Variants in UBTD1 observed in about 807,000 individuals in gnomAD.
The protein encoded by UBTD1 is ubiquitin domain containing 1.
A neutral mutation model predicts 21.7 loss-of-function variants in UBTD1; 19 were observed. That is an observed-to-expected ratio of 0.87 (90% CI 0.61 to 1.28). The LOEUF (loss-of-function observed/expected upper bound fraction) is 1.28, where lower values mean the gene tolerates loss of function less well. UBTD1 is among the 50% of genes most tolerant of loss of function. The pLI is 0.00. For synonymous variants in UBTD1, 116 were observed against 135.1 expected, an observed-to-expected ratio of 0.86 and a Z score of 0.98; for missense variants, 282 against 315.1, an observed-to-expected ratio of 0.89 and a Z score of 0.80.
chr10:97,521,275 G>A (rs1589870770), intron 1 of UBTD1, among the ~76,000 whole-genome samples: 1 of 152,352 alleles, frequency 6.6e-6, no homozygotes, highest in East Asian at 1.9e-4. Context: ...GCAGCTCCCT[G>A]GCTGGTGGAG....
intron 1 of UBTD1, among the ~76,000 whole-genome samples, chr10:97,514,150 GT>G (rs1429923969): frequency 2.0e-5 from 3 of 151,996 alleles, no homozygotes; most frequent in African/African-American, 7.2e-5. Context: ...GCAGATGAAT[GT>G]AGTTGTTTGA....
chr10:97,529,295 A>G (rs373843350), intron 1 of UBTD1, among the ~76,000 whole-genome samples: 10 of 145,412 alleles, frequency 6.9e-5, no homozygotes, highest in East Asian at 2.1e-4. Context: ...CAGCCAGGCA[A>G]AGGGGCTCCT....
intron 1 of UBTD1, among the ~76,000 whole-genome samples, chr10:97,511,052 C>T (rs113508204): frequency 2.6e-5 from 4 of 152,278 alleles, no homozygotes; most frequent in African/African-American, 7.2e-5. Context: ...TTCTCTGATA[C>T]ACATTGTCAG....
chr10:97,511,006 G>A (rs559814479), intron 1 of UBTD1, among the ~76,000 whole-genome samples: 3 of 152,018 alleles, frequency 2.0e-5, no homozygotes, highest in Non-Finnish European at 4.4e-5. Flanking sequence ...GAACACCTCC[G>A]AGTCCCCAGG....
Position 97,568,098 on chromosome 10 carries a change from G to A in UBTD1, c.255G>A (p.Leu85=), listed in dbSNP as rs1165748517. Residue 85 remains leucine (L), a synonymous_variant, in exon 2 of 3, where the codon CTG becomes CTA. Transcript: ENST00000370664. Reference sequence around the variant, plus strand: ...CTGCTGAAGCCAACGACCACGAGCTGGCCCAGGCCATCCTGGATGGAGCCA... The same window carrying A: ...CTGCTGAAGCCAACGACCACGAGCTAGCCCAGGCCATCCTGGATGGAGCCA... ...AYAAEANDHE[L]AQAILDGASI... is the part of the protein sequence containing the mutation. 1.2e-6 allele frequency: 2 copies of A among 1,613,674 alleles called. No individual in the cohort carries two copies. Among genetic ancestry groups the A allele is most frequent in the Non-Finnish European group, 1.7e-6 (2 of 1,180,046 alleles).
intron 1 of UBTD1, among the ~76,000 whole-genome samples, chr10:97,502,946 T>C (rs987952983): frequency 5.3e-5 from 8 of 150,996 alleles, no homozygotes; most frequent in African/African-American, 1.7e-4. Context: ...AGAGAGGGTC[T>C]TGTTCTCTCG....
Position 97,549,023 on chromosome 10 carries a change from G to A in UBTD1, c.71-18891G>A, listed in dbSNP as rs190011407. Among the ~76,000 whole-genome samples the A allele has an allele frequency of 5.5e-4, 84 of 152,310 alleles. 1 individual carries two copies. Among genetic ancestry groups the A allele is most frequent in the African/African-American group, 1.5e-3 (63 of 41,568 alleles). The stretch of plus-strand genomic sequence containing the variant: ...TGAGCCCAGCCAGGCAGCCGACCCC[G>A]TGAATGTGTACGTTGTATGCAGCAC... On this transcript the variant is annotated intron_variant, in intron 1 of 2. Transcript: ENST00000370664.
intron 1 of UBTD1, among the ~76,000 whole-genome samples, chr10:97,508,431 A>G (rs1354231627): frequency 6.6e-6 from 1 of 152,170 alleles, no homozygotes; most frequent in African/African-American, 2.4e-5. Flanking sequence ...GAACATGCCT[A>G]CCTATTTTAC....
chr10:97,499,689 A>C (rs150038683), intron 1 of UBTD1, among the ~76,000 whole-genome samples: 2 of 152,340 alleles, frequency 1.3e-5, no homozygotes, highest in Non-Finnish European at 2.9e-5. Flanking sequence ...AGGCGAGAAC[A>C]GTCGCTCCTT....
chr10:97,570,035 A>T lies in UBTD1; in HGVS notation c.299-103A>T. The stretch of plus-strand genomic sequence containing the variant: ...AGGCCCCATGTCCAAATACAGTCAC[A>T]TTGGGGGTTAGAGTTTCACCATATG... On this transcript the variant is annotated intron_variant, in intron 2 of 2. Transcript: ENST00000370664. This position sits in a 1 kb window ranked among gnomAD's most constrained non-coding sequence, Gnocchi z 6.6. 1.4e-6 allele frequency: 2 copies of T among 1,467,660 alleles called. No homozygotes were observed. Among genetic ancestry groups the T allele is most frequent in the Non-Finnish European group, 1.8e-6 (2 of 1,095,064 alleles). The allele number at this position is 1,467,660 out of a possible 1,614,324, so 90.9% of individuals were successfully genotyped here.
At chr10:97,555,287 A>T (rs1423354012) in intron 1 of UBTD1, among the ~76,000 whole-genome samples, 1 of 152,240 alleles carries the variant, frequency 6.6e-6, no homozygotes, top group Non-Finnish European at 1.5e-5. Flanking sequence ...TCCTTGGTCA[A>T]GGCATAAACA....
intron 1 of UBTD1, among the ~76,000 whole-genome samples, chr10:97,532,108 G>A (rs2040534633): frequency 6.6e-6 from 1 of 152,172 alleles, no homozygotes; most frequent in Admixed American, 6.5e-5. Flanking sequence ...AGGTGAGAGA[G>A]TCAAGGAGTA....
chr10:97,555,547 G>A (rs539293008), intron 1 of UBTD1, among the ~76,000 whole-genome samples: 1 of 152,284 alleles, frequency 6.6e-6, no homozygotes, highest in East Asian at 1.9e-4. Context: ...GCATCGGCAA[G>A]CTACTGCCTT....
At chr10:97,512,485 T>G (rs1443193906) in intron 1 of UBTD1, among the ~76,000 whole-genome samples, 1 of 152,190 alleles carries the variant, frequency 6.6e-6, no homozygotes. Context: ...GGCCATAACT[T>G]ATTGCTTGTA....
intron 1 of UBTD1, among the ~76,000 whole-genome samples, chr10:97,546,409 T>C (rs2040610766): frequency 6.6e-6 from 1 of 151,910 alleles, no homozygotes; most frequent in African/African-American, 2.4e-5. Context: ...GCCAACATAG[T>C]GCAACCTCAT....
intron 1 of UBTD1, among the ~76,000 whole-genome samples, chr10:97,536,008 T>TTATTATTC (rs1200462477): frequency 0.014 from 274 of 19,508 alleles, 5 homozygotes; most frequent in East Asian, 0.077. Context: ...TATTATTATT[T>TTATTATTC]CGAGACAGAA....
chr10:97,541,518 A>G (rs1341470614), intron 1 of UBTD1, among the ~76,000 whole-genome samples: 2 of 152,042 alleles, frequency 1.3e-5, no homozygotes, highest in Non-Finnish European at 2.9e-5. Context: ...TAAAACTGGT[A>G]TTTCTACAAC....
intron 1 of UBTD1, among the ~76,000 whole-genome samples, chr10:97,527,171 CAAAAA>C (rs34756643): frequency 1.0e-4 from 7 of 66,720 alleles, no homozygotes; most frequent in South Asian, 1.4e-3. Flanking sequence ...CTCTTGTCTC[CAAAAA>C]AAAAAAAAAA....
intron 1 of UBTD1, among the ~76,000 whole-genome samples, chr10:97,518,596 C>G (rs919039162): frequency 1.2e-4 from 18 of 152,350 alleles, no homozygotes; most frequent in African/African-American, 3.6e-4. Flanking sequence ...TTTGTCTTCT[C>G]CTGCCTGCTC....
Sources: allele counts gnomAD v4.1 joint callset (sites outside exome capture counted in the v4.1 genomes callset), GRCh38; gene constraint gnomAD v4.1.1; non-coding constraint Gnocchi (gnomAD v3.1); transcripts MANE v1.5; gene names NCBI Gene and HGNC (gene_info 2026-07-23, HGNC 2026-07-21).